Variants in SNX25 observed in about 807,000 individuals in gnomAD.
SNX25 encodes sorting nexin 25.
In SNX25, 62 loss-of-function variants were observed where a neutral mutation model predicts 113.7. The ratio of observed to expected loss-of-function variants is 0.55; its 90% CI spans 0.44 to 0.67. The LOEUF (loss-of-function observed/expected upper bound fraction) is 0.67. SNX25 is among the 30% of genes least tolerant of loss of function. The probability of loss-of-function intolerance (pLI) is 0.00; values close to 1 mark genes in which losing one functional copy is unlikely to be tolerated. For synonymous variants in SNX25, 421 were observed against 436.2 expected (o/e 0.97, Z 0.43); for missense variants, 1,014 against 1,161.0 (o/e 0.87, Z 1.84).
At position 185,298,948 on chromosome 4, in the gene SNX25, A is replaced by C. The variant is rs573331208; in HGVS notation, c.1162+10866A>C. Among the ~76,000 whole-genome samples, 324 of 152,232 alleles carry C rather than the reference A, an allele frequency of 2.1e-3. 1 individual carries two copies. The highest frequency in any genetic ancestry group is 4.0e-3 in the Non-Finnish European group (272 of 68,016). ...CCAGAAGTGGGTTTTCAGTTACTCAACCTTTCTTGAGTACCATTGTGTATT... is the reference window on the plus strand; with the variant it reads ...CCAGAAGTGGGTTTTCAGTTACTCACCCTTTCTTGAGTACCATTGTGTATT... On this transcript the variant is annotated intron_variant, in intron 6 of 18. Transcript: ENST00000652585.
At chr4:185,254,234 A>T (rs916700333) in intron 2 of SNX25, among the ~76,000 whole-genome samples, 1 of 152,200 alleles carries the variant, frequency 6.6e-6, no homozygotes, top group Non-Finnish European at 1.5e-5. Flanking sequence ...TATCAATCAC[A>T]TAAACTAATA....
At chr4:185,235,165 G>T (rs1464807564) in intron 1 of SNX25, among the ~76,000 whole-genome samples, 1 of 152,242 alleles carries the variant, frequency 6.6e-6, no homozygotes, top group Non-Finnish European at 1.5e-5. Context: ...TACATTTGAT[G>T]CATGTAGGCA....
chr4:185,282,919 G>A (rs565804840), intron 5 of SNX25, among the ~76,000 whole-genome samples: 3 of 152,254 alleles, frequency 2.0e-5, no homozygotes, highest in South Asian at 2.1e-4. Flanking sequence ...CTGGAAGCCC[G>A]TGTCCCCGTG....
At chr4:185,247,674 ATT>A in intron 2 of SNX25, among the ~76,000 whole-genome samples, 1 of 150,718 alleles carries the variant, frequency 6.6e-6, no homozygotes, top group Non-Finnish European at 1.5e-5. Flanking sequence ...GGTTTTAGGA[ATT>A]TTTTTTTTCT....
chr4:185,277,801 C>G (rs1240509185), intron 5 of SNX25, among the ~76,000 whole-genome samples: 1 of 35,118 alleles, frequency 2.8e-5, no homozygotes, highest in African/African-American at 1.0e-4. Flanking sequence ...GGCGGGATCT[C>G]GGCTCACTGC....
chr4:185,208,642 G>A (rs964900682), upstream of SNX25, among the ~76,000 whole-genome samples: 1 of 151,800 alleles, frequency 6.6e-6, no homozygotes, highest in African/African-American at 2.4e-5. Context: ...CCAGGAGAAT[G>A]GCTTGAACCC....
downstream of SNX25, among the ~76,000 whole-genome samples, chr4:185,371,540 T>TAA (rs11288148): frequency 1.5e-4 from 12 of 78,290 alleles, no homozygotes; most frequent in East Asian, 1.5e-3. Flanking sequence ...AGACTCCGTC[T>TAA]AAAAAAAAAA....
At chr4:185,377,411 G>C in the SNX25 span, 3 of 166,734 alleles carry the variant, frequency 1.8e-5, no homozygotes, top group Non-Finnish European at 2.6e-5. Flanking sequence ...CCAGCTACTC[G>C]GGAGACTCAG....
At chr4:185,374,141 T>C, downstream of SNX25, 1 of 1,613,730 alleles carries the variant, frequency 6.2e-7, no homozygotes. Context: ...TTACCTTTTC[T>C]AACTCCTTGG....
intron 7 of SNX25, among the ~76,000 whole-genome samples, chr4:185,316,113 T>C (rs551357832): frequency 1.3e-5 from 2 of 152,248 alleles, no homozygotes; most frequent in Non-Finnish European, 2.9e-5. Flanking sequence ...TGGAGCCCAG[T>C]TGAGAATCAC....
At chr4:185,339,257 A>C (rs925693700) in intron 10 of SNX25, 122 bp from the exon 11 acceptor site, 1 of 823,584 alleles carries the variant, frequency 1.2e-6, no homozygotes, top group Non-Finnish European at 1.8e-6. Context: ...TTTTTGGATT[A>C]TTCACTGTTA....
intron 3 of SNX25, among the ~76,000 whole-genome samples, chr4:185,263,927 C>G (rs534630047): frequency 6.6e-6 from 1 of 152,288 alleles, no homozygotes; most frequent in South Asian, 2.1e-4. Context: ...TTGAAAAATA[C>G]TTTGGAGCCT....
At position 185,339,415 on chromosome 4, in the gene SNX25, G is replaced by A. The variant is rs199678977; in HGVS notation, c.1951G>A (p.Glu651Lys). 3.7e-5 allele frequency: 60 copies of A among 1,614,038 alleles called. No homozygotes were observed. The Admixed American group carries it at 4.5e-4, about 12-fold the overall frequency. The change falls in exon 11 of 19, where the codon GAG becomes AAG. Residue 651 changes from glutamate to lysine, a missense_variant. Physicochemically the swap from Glu to Lys is moderately conservative, Grantham distance 56. Coordinates refer to ENST00000652585, the MANE Select transcript of SNX25 (RefSeq NM_001378034.2). ...SKLKDEIILI[E>K]KERTDLQLHM... The stretch of plus-strand genomic sequence containing the variant: ...GTTGAAGGATGAAATAATCCTAATA[G>A]AGAAAGAACGCACAGACCTTCAGCT...
intron 5 of SNX25, among the ~76,000 whole-genome samples, chr4:185,270,918 C>T (rs536142178): frequency 5.9e-5 from 9 of 152,176 alleles, no homozygotes; most frequent in South Asian, 2.1e-4. Flanking sequence ...TTTATCCTTT[C>T]ACCGGTCCAT....
rs1213652149 is a variant in SNX25, at chr4:185,262,006, G to C, written c.732-2432G>C. ...GCAGACAGTGAGTCCAGGTTTAATG[G>C]CAAATATCTGTATCTGCCTGCCCCA... On this transcript the variant is annotated intron_variant, in intron 3 of 18. Transcript: ENST00000652585. Among the ~76,000 whole-genome samples the C allele has an allele frequency of 3.9e-5, 6 of 152,248 alleles. No individual in the cohort carries two copies. In the East Asian group the frequency reaches 1.2e-3, roughly 29 times the overall value.
intron 11 of SNX25, 122 bp from the exon 12 acceptor site, chr4:185,341,853 TC>T (rs1203211974): frequency 1.0e-6 from 1 of 961,868 alleles, no homozygotes; most frequent in African/African-American, 1.7e-5. Flanking sequence ...TATTCACAGT[TC>T]CAGGGATCCT....
chr4:185,256,624 C>CTTTTT (rs35160292), intron 2 of SNX25, among the ~76,000 whole-genome samples: 3 of 112,560 alleles, frequency 2.7e-5, no homozygotes, highest in Non-Finnish European at 3.6e-5. Context: ...ACCTAAATTT[C>CTTTTT]TTTTTTTTTT....
At position 185,363,818 on chromosome 4, in the gene SNX25, T is replaced by A. The variant is rs1280311072; in HGVS notation, c.*353T>A. On this transcript the variant is annotated 3_prime_UTR_variant, in exon 19 of 19. Coordinates refer to ENST00000652585, the MANE Select transcript of SNX25 (RefSeq NM_001378034.2). This position sits in a 1 kb window ranked among gnomAD's most constrained non-coding sequence, Gnocchi z 4.2. ...TACAGTTAATTTCCTCACTGAGGAC[T>A]GTGAACATTCTTATATTATTTCATG... 1 of 168,842 alleles carries A rather than the reference T, an allele frequency of 5.9e-6. No individual in the cohort carries two copies. Among genetic ancestry groups the A allele is most frequent in the Admixed American group, 5.9e-5 (1 of 16,920 alleles). 10.5% of individuals were successfully genotyped at this position (168,842 alleles called of 1,614,324 possible).
Position 185,363,124 on chromosome 4 carries a change from G to A in SNX25, c.2935-261G>A, listed in dbSNP as rs1579947825. Among the ~76,000 whole-genome samples, 2 of 151,906 alleles carry A rather than the reference G, an allele frequency of 1.3e-5. No homozygotes were observed. Among genetic ancestry groups the A allele is most frequent in the African/African-American group, 4.8e-5 (2 of 41,384 alleles). Reference sequence around the variant, plus strand: ...TCCCAAAGTGCTGGGATTACAGGCGGGAGCCACCTCGCCCATCCTCCCTTG... The same window carrying A: ...TCCCAAAGTGCTGGGATTACAGGCGAGAGCCACCTCGCCCATCCTCCCTTG... On this transcript the variant is annotated intron_variant, in intron 18 of 18. Transcript: ENST00000652585. The surrounding 1 kb of genome is among the most constrained non-coding windows in gnomAD (Gnocchi z 4.2).
Sources: gnomAD v4.1 joint callset for allele counts (sites outside exome capture counted in the v4.1 genomes callset) on GRCh38, gnomAD v4.1.1 for gene constraint, Gnocchi (gnomAD v3.1) non-coding constraint, MANE v1.5 for transcripts, NCBI Gene and HGNC (gene_info 2026-07-23, HGNC 2026-07-21) for gene names.